Variants in VPS35L observed in about 807,000 individuals in gnomAD.
VPS35L encodes the protein VPS35 endosomal protein sorting factor like, also known as VPS35 endosomal protein-sorting factor-like.
A neutral mutation model predicts 133.0 loss-of-function variants in VPS35L; 83 were observed. The observed-to-expected ratio is 0.62, with a 90% CI of 0.52 to 0.75. The LOEUF (loss-of-function observed/expected upper bound fraction) is 0.75. Among genes scored for constraint, VPS35L ranks in the 30% least tolerant of loss-of-function variants. The pLI is 0.00. For synonymous variants in VPS35L, 423 were observed against 449.9 expected, an observed-to-expected ratio of 0.94 and a Z score of 0.76; for missense variants, 1,083 against 1,206.8, an observed-to-expected ratio of 0.90 and a Z score of 1.52.
Position 19,629,739 on chromosome 16 carries a change from G to A in VPS35L, c.1501-28G>A, listed in dbSNP as rs115774583. ...TAATGCATACTATGTTGTACTTAAT[G>A]TTAAGATGTTTTCCTTTCTCTTTGT... On this transcript the variant is annotated intron_variant, in intron 17 of 30. Coordinates refer to ENST00000417362, the MANE Select transcript of VPS35L (RefSeq NM_020314.7). 2.8e-3 allele frequency: 4,477 copies of A among 1,605,740 alleles called. 133 individuals are homozygous for A. In the African/African-American group the frequency reaches 0.052, roughly 18 times the overall value.
chr16:19,562,266 A>G (rs1971053653), intron 1 of VPS35L, among the ~76,000 whole-genome samples: 2 of 152,126 alleles, frequency 1.3e-5, no homozygotes, highest in South Asian at 4.1e-4. Context: ...GGGGTAGAAG[A>G]AGAATTCGAT....
intron 26 of VPS35L, among the ~76,000 whole-genome samples, chr16:19,660,189 G>A (rs1974436177): frequency 6.6e-6 from 1 of 152,060 alleles, no homozygotes; most frequent in South Asian, 2.1e-4. Context: ...GCCGGGCGTG[G>A]TGGTGTGCGC....
chr16:19,671,755 C>T (rs1336571428), intron 27 of VPS35L, among the ~76,000 whole-genome samples: 1 of 152,016 alleles, frequency 6.6e-6, no homozygotes, highest in African/African-American at 2.4e-5. Context: ...CCAGCCTGGG[C>T]AACAGAGCAA....
intron 8 of VPS35L, among the ~76,000 whole-genome samples, chr16:19,595,759 G>T (rs374791431): frequency 6.6e-6 from 1 of 152,180 alleles, no homozygotes. Flanking sequence ...TCCTTGTTGC[G>T]TCCCAGAAAA....
rs564912141 is a variant in VPS35L at position 19,681,041 on chromosome 16, C to T, written c.2362-1184C>T. Among the ~76,000 whole-genome samples, 7 of 152,232 alleles carry T rather than the reference C, an allele frequency of 4.6e-5. No individual in the cohort carries two copies. In the South Asian group the frequency reaches 8.3e-4, roughly 18 times the overall value. ...TGAGAACTGCAGGCTACCAAGGAGC[C>T]GTCTGGCCAAGCCCTGGGGCACAGA... On this transcript the variant is annotated intron_variant, in intron 27 of 30. Coordinates refer to ENST00000417362, the MANE Select transcript of VPS35L (RefSeq NM_020314.7).
intron 28 of VPS35L, among the ~76,000 whole-genome samples, chr16:19,690,186 T>C (rs1975617559): frequency 6.6e-6 from 1 of 152,084 alleles, no homozygotes; most frequent in East Asian, 1.9e-4. Context: ...GGATTATAGG[T>C]GTGAGCCACT....
rs559938045 is a variant in VPS35L at position 19,639,077 on chromosome 16, C to T, written c.1699-938C>T. On this transcript the variant is annotated intron_variant, in intron 20 of 30. Coordinates refer to ENST00000417362, the MANE Select transcript of VPS35L (RefSeq NM_020314.7). The surrounding 1 kb of genome is among the most constrained non-coding windows in gnomAD (Gnocchi z 4.1). ...CAACAGAGCGAAACTCTGTTTCAAA[C>T]AAATAAAATGCAATAAAAATAAAAA... 6.6e-6 allele frequency among the ~76,000 whole-genome samples: 1 copy of T among 152,226 alleles called. No individual in the cohort carries two copies. Among genetic ancestry groups the T allele is most frequent in the African/African-American group, 2.4e-5 (1 of 41,548 alleles).
chr16:19,694,138 CA>C (rs1975817472), intron 29 of VPS35L: 1 of 150,688 alleles, frequency 6.6e-6, no homozygotes, highest in South Asian at 2.2e-4. Flanking sequence ...ACAGACACCC[CA>C]AATACCCTGG....
intron 26 of VPS35L, among the ~76,000 whole-genome samples, chr16:19,668,097 T>C (rs920528350): frequency 6.6e-6 from 1 of 152,168 alleles, no homozygotes; most frequent in African/African-American, 2.4e-5. Context: ...AACATAGGCC[T>C]TTCTTCCCAG....
chr16:19,592,467 G>A (rs994527852), intron 8 of VPS35L, among the ~76,000 whole-genome samples: 8 of 151,996 alleles, frequency 5.3e-5, no homozygotes, highest in Non-Finnish European at 1.0e-4. Context: ...GTCCCTTGCC[G>A]TCTCACAGGC....
At chr16:19,565,018 G>GT (rs1409095127) in intron 2 of VPS35L, 68 bp downstream of exon 2, 4 of 1,269,116 alleles carry the variant, frequency 3.2e-6, no homozygotes, top group African/African-American at 1.5e-5. Flanking sequence ...ATCTTCCTGA[G>GT]TCTTTTCCGT....
intron 5 of VPS35L, among the ~76,000 whole-genome samples, chr16:19,576,480 CTT>C (rs1971542160): frequency 6.6e-6 from 1 of 152,148 alleles, no homozygotes; most frequent in Non-Finnish European, 1.5e-5. Flanking sequence ...TCCTGAGGAA[CTT>C]TTGTATGAAT....
At chr16:19,563,762 C>T (rs976816983) in intron 1 of VPS35L, among the ~76,000 whole-genome samples, 4 of 152,196 alleles carry the variant, frequency 2.6e-5, no homozygotes, top group Non-Finnish European at 5.9e-5. Context: ...GCTCAATGGG[C>T]GAATACCTTG....
At position 19,605,656 on chromosome 16, in the gene VPS35L, C is replaced by T. The variant is rs138900439; in HGVS notation, c.785-2522C>T. 3.7e-3 allele frequency among the ~76,000 whole-genome samples: 564 copies of T among 152,328 alleles called. 2 individuals carry two copies. Among genetic ancestry groups the T allele is most frequent in the Non-Finnish European group, 5.5e-3 (375 of 68,028 alleles). On this transcript the variant is annotated intron_variant, in intron 9 of 30. Coordinates refer to ENST00000417362, the MANE Select transcript of VPS35L (RefSeq NM_020314.7). ...CATCTAGGCATGGCTGGCTCCCTTTCGTAGTTCAGGGCTCAGCTCAAATGC... is the reference window on the plus strand; with the variant it reads ...CATCTAGGCATGGCTGGCTCCCTTTTGTAGTTCAGGGCTCAGCTCAAATGC...
In VPS35L at chr16:19,616,729, T is replaced by C. The variant is rs763447787; in HGVS notation, c.1145T>C (p.Val382Ala). ...CAGAACCAGCTGGTGGTCCAAGGAG[T>C]GGAGCTCCCATCTTACCTCCCCTTG... is the stretch of plus-strand genomic sequence containing the variant. ...TVQNQLVVQG[V>A]ELPSYLPLYP... Residue 382 changes from valine (V) to alanine (A), a missense_variant, in exon 14 of 31, where the codon GTG becomes GCG. Physicochemically the swap from Val to Ala is moderately conservative, Grantham distance 64 (BLOSUM62 0). Coordinates refer to ENST00000417362, the MANE Select transcript of VPS35L (RefSeq NM_020314.7). 21 of 1,613,816 alleles carry C rather than the reference T, an allele frequency of 1.3e-5. No individual in the cohort carries two copies. The highest frequency in any genetic ancestry group is 1.7e-5 in the Non-Finnish European group (20 of 1,179,954).
At chr16:19,646,332 C>T (rs1973947849) in intron 23 of VPS35L, among the ~76,000 whole-genome samples, 1 of 152,086 alleles carries the variant, frequency 6.6e-6, no homozygotes, top group South Asian at 2.1e-4. Flanking sequence ...TCTATGAAGG[C>T]ACAGACAGAA....
At chr16:19,587,804 T>C (rs1297107708) in intron 7 of VPS35L, among the ~76,000 whole-genome samples, 3 of 148,618 alleles carry the variant, frequency 2.0e-5, no homozygotes, top group African/African-American at 7.5e-5. Context: ...TGTCTTTTTT[T>C]TTTTTTTTTT....
chr16:19,615,178 G>A (rs13331638), intron 12 of VPS35L, among the ~76,000 whole-genome samples: 23,316 of 152,086 alleles, frequency 0.15, 5,830 homozygotes, highest in African/African-American at 0.52. Flanking sequence ...TTTATTGTAT[G>A]CACAATCTTG....
At chr16:19,614,750 C>T (rs777170096) in intron 12 of VPS35L, among the ~76,000 whole-genome samples, 7 of 152,138 alleles carry the variant, frequency 4.6e-5, no homozygotes, top group East Asian at 1.9e-4. Context: ...AATTTGGAAA[C>T]GAAGCATTTC....
Sources: allele counts gnomAD v4.1 joint callset (sites outside exome capture counted in the v4.1 genomes callset), GRCh38; gene constraint gnomAD v4.1.1; non-coding constraint Gnocchi (gnomAD v3.1); transcripts MANE v1.5; gene names NCBI Gene and HGNC (gene_info 2026-07-23, HGNC 2026-07-21).